ZZZ3: variants seen among roughly 807,000 people sequenced by gnomAD.
The protein encoded by ZZZ3 is ZZ-type zinc finger-containing protein 3.
In ZZZ3, 22 loss-of-function variants were observed where a neutral mutation model predicts 95.2. The observed-to-expected ratio is 0.23, with a 90% CI of 0.17 to 0.33. ZZZ3 has a LOEUF of 0.33. Among genes scored for constraint, ZZZ3 ranks in the 10% least tolerant of loss-of-function variants. ZZZ3 has a pLI of 1.00. For synonymous variants in ZZZ3, 335 were observed against 358.9 expected, an observed-to-expected ratio of 0.93 and a Z score of 0.75; for missense variants, 885 against 1,066.5, an observed-to-expected ratio of 0.83 and a Z score of 2.37.
At chr1:77,639,065 C>CAGTA (rs149471220) in intron 4 of ZZZ3, among the ~76,000 whole-genome samples, 1 of 150,852 alleles carries the variant, frequency 6.6e-6, no homozygotes, top group Non-Finnish European at 1.5e-5. Context: ...GACAGATGGT[C>CAGTA]GGTAGGTAGG....
intron 5 of ZZZ3, among the ~76,000 whole-genome samples, chr1:77,591,374 T>G (rs865907821): frequency 4.7e-4 from 71 of 152,120 alleles, no homozygotes; most frequent in Admixed American, 2.6e-4. Context: ...TTATAGATGG[T>G]GTCTCACTCT....
At chr1:77,637,017 G>C (rs1306726595) in intron 4 of ZZZ3, among the ~76,000 whole-genome samples, 1 of 152,048 alleles carries the variant, frequency 6.6e-6, no homozygotes, top group Admixed American at 6.6e-5. Flanking sequence ...GCTCAATCAC[G>C]GGCATCTCCT....
intron 1 of ZZZ3, among the ~76,000 whole-genome samples, chr1:77,671,798 C>A (rs1202692005): frequency 6.6e-6 from 1 of 152,140 alleles, no homozygotes; most frequent in Non-Finnish European, 1.5e-5. Context: ...ATACAAACCA[C>A]CTATGAATCT....
chr1:77,646,248 C>G (rs1340858793), intron 1 of ZZZ3, among the ~76,000 whole-genome samples: 1 of 151,884 alleles, frequency 6.6e-6, no homozygotes, highest in African/African-American at 2.4e-5. Context: ...GAGACAGGGT[C>G]TCACTCTGTT....
chr1:77,585,330 T>C (rs1662977258), intron 5 of ZZZ3, among the ~76,000 whole-genome samples: 1 of 152,212 alleles, frequency 6.6e-6, no homozygotes, highest in South Asian at 2.1e-4. Flanking sequence ...AAACATATAG[T>C]TTTACCCACA....
intron 1 of ZZZ3, among the ~76,000 whole-genome samples, chr1:77,666,675 G>C (rs1671279209): frequency 6.6e-6 from 1 of 152,138 alleles, no homozygotes; most frequent in African/African-American, 2.4e-5. Flanking sequence ...CATCATTCCA[G>C]GCTCTAAGAA....
intron 12 of ZZZ3, among the ~76,000 whole-genome samples, chr1:77,574,228 CTG>C (rs1029123114): frequency 4.3e-4 from 65 of 149,634 alleles, no homozygotes; most frequent in African/African-American, 1.5e-3. Context: ...GAAAAACAAA[CTG>C]TTTTCAGGAA....
intron 1 of ZZZ3, among the ~76,000 whole-genome samples, chr1:77,681,212 G>C (rs1672722887): frequency 6.6e-6 from 1 of 152,028 alleles, no homozygotes. Flanking sequence ...ACAAAGGCTG[G>C]TTACAGAGAT....
At chr1:77,682,264 A>C (rs1217612567) in intron 1 of ZZZ3, among the ~76,000 whole-genome samples, 1 of 152,230 alleles carries the variant, frequency 6.6e-6, no homozygotes, top group Non-Finnish European at 1.5e-5. Flanking sequence ...GGAATACTTT[A>C]GAAAATGGCA....
At chr1:77,598,773 C>T (rs1230927883) in intron 5 of ZZZ3, among the ~76,000 whole-genome samples, 1 of 152,028 alleles carries the variant, frequency 6.6e-6, no homozygotes, top group Non-Finnish European at 1.5e-5. Context: ...TTCGAAATAC[C>T]TTTTTAGATA....
intron 5 of ZZZ3, among the ~76,000 whole-genome samples, chr1:77,606,803 A>G (rs1665278642): frequency 6.6e-6 from 1 of 152,230 alleles, no homozygotes. Flanking sequence ...TATAGCTTAG[A>G]TCACAACACT....
At chr1:77,620,654 C>A (rs146925793) in intron 5 of ZZZ3, among the ~76,000 whole-genome samples, 6 of 152,184 alleles carry the variant, frequency 3.9e-5, no homozygotes, top group African/African-American at 1.2e-4. Flanking sequence ...AAGGAAAAAA[C>A]GTGAATATTC....
intron 1 of ZZZ3, among the ~76,000 whole-genome samples, chr1:77,671,863 T>C (rs1466312537): frequency 1.3e-5 from 2 of 152,136 alleles, no homozygotes; most frequent in African/African-American, 4.8e-5. Flanking sequence ...AGATCCCCAG[T>C]AGATACCTGA....
chr1:77,678,542 T>C (rs1392952022), intron 1 of ZZZ3, among the ~76,000 whole-genome samples: 1 of 152,244 alleles, frequency 6.6e-6, no homozygotes, highest in Non-Finnish European at 1.5e-5. Context: ...ATGCATCAAC[T>C]TACTAGGCTG....
intron 4 of ZZZ3, among the ~76,000 whole-genome samples, chr1:77,633,846 C>T (rs1434208327): frequency 2.0e-5 from 3 of 152,094 alleles, no homozygotes; most frequent in Admixed American, 6.5e-5. Flanking sequence ...AGAGATCTAT[C>T]CTAAAGATGT....
At chr1:77,600,618 CA>C (rs1428133841) in intron 5 of ZZZ3, among the ~76,000 whole-genome samples, 1 of 152,022 alleles carries the variant, frequency 6.6e-6, no homozygotes, top group Non-Finnish European at 1.5e-5. Flanking sequence ...AGAAGAAAGA[CA>C]ATTAGCTAAG....
chr1:77,649,425 T>A (rs1291383852), intron 1 of ZZZ3, among the ~76,000 whole-genome samples: 1 of 152,056 alleles, frequency 6.6e-6, no homozygotes, highest in Non-Finnish European at 1.5e-5. Flanking sequence ...ACATAAAAAT[T>A]ATTTCAAACT....
intron 9 of ZZZ3, chr1:77,579,926 C>T (rs1662335495): frequency 1.2e-5 from 2 of 170,318 alleles, no homozygotes; most frequent in South Asian, 3.4e-4. Flanking sequence ...GTAGATTACA[C>T]ATTTTAGTGA....
Position 77,632,765 on chromosome 1 carries a change from G to A in ZZZ3, c.590C>T (p.Thr197Ile), listed in dbSNP as rs1245082043. Residue 197 changes from threonine to isoleucine, a missense_variant, in exon 5 of 15, where the codon ACA becomes ATA. Physicochemically the swap from Thr to Ile is moderately conservative, Grantham distance 89. Around this residue, in one of 5 missense-constraint regions of ZZZ3, gnomAD observed 556 missense variants for 652.9 expected, o/e 0.85. Coordinates refer to ENST00000370801, the MANE Select transcript of ZZZ3 (RefSeq NM_015534.6). Reference sequence around the variant, plus strand: ...AACACCATTGACAGCCAAATAGCCTGTGATTTCTTCAACTACTGCAGAATT... The same window carrying A: ...AACACCATTGACAGCCAAATAGCCTATGATTTCTTCAACTACTGCAGAATT... The part of the protein sequence containing the change: ...PLNSAVVEEI[T>I]GYLAVNGVDD... 2.5e-6 allele frequency: 4 copies of A among 1,614,132 alleles called. No homozygotes were observed. The highest frequency in any genetic ancestry group is 3.4e-6 in the Non-Finnish European group (4 of 1,180,014).
Sources: allele counts gnomAD v4.1 joint callset (sites outside exome capture counted in the v4.1 genomes callset), GRCh38; gene constraint gnomAD v4.1.1; regional missense constraint gnomAD v4.1.1; transcripts MANE v1.5; gene names NCBI Gene and HGNC (gene_info 2026-07-23, HGNC 2026-07-21).